The following DAB1 variants were observed in gnomAD, a reference collection of about 807,000 sequenced individuals.
DAB1 encodes DAB adaptor protein 1.
A neutral mutation model predicts 64.6 loss-of-function variants in DAB1; 15 were observed. That is an observed-to-expected ratio of 0.23 (90% CI 0.16 to 0.36). DAB1 has a LOEUF of 0.36. Ranked by LOEUF, DAB1 falls within the 10% of genes least tolerant of loss-of-function variation. DAB1 has a pLI of 1.00. For synonymous variants in DAB1, 235 were observed against 251.9 expected, an observed-to-expected ratio of 0.93 and a Z score of 0.64; for missense variants, 596 against 706.7, an observed-to-expected ratio of 0.84 and a Z score of 1.78.
At chr1:58,193,642 G>C (rs560335680) in intron 4 of DAB1, among the ~76,000 whole-genome samples, 1 of 152,252 alleles carries the variant, frequency 6.6e-6, no homozygotes, top group East Asian at 1.9e-4. Context: ...GATCACCTGA[G>C]GTCAGGAGTT....
intron 3 of DAB1, among the ~76,000 whole-genome samples, chr1:58,491,720 C>T (rs999465080): frequency 6.6e-6 from 1 of 152,128 alleles, no homozygotes; most frequent in Non-Finnish European, 1.5e-5. Context: ...GCTAACTATC[C>T]TAAATATATA....
At chr1:57,974,287 A>T (rs1054204676) in intron 5 of DAB1, among the ~76,000 whole-genome samples, 4 of 152,042 alleles carry the variant, frequency 2.6e-5, no homozygotes, top group Non-Finnish European at 5.9e-5. Flanking sequence ...TCTTTGTTTA[A>T]CAATGAGTGC....
intron 4 of DAB1, among the ~76,000 whole-genome samples, chr1:58,302,694 G>A (rs749275349): frequency 5.3e-5 from 8 of 152,062 alleles, no homozygotes; most frequent in Non-Finnish European, 1.0e-4. Flanking sequence ...TGTCAAGTGA[G>A]ACTATAATAA....
intron 5 of DAB1, among the ~76,000 whole-genome samples, chr1:58,004,497 T>C (rs1273732508): frequency 1.3e-5 from 2 of 152,060 alleles, no homozygotes; most frequent in African/African-American, 4.8e-5. Context: ...CTCAGTAGCT[T>C]ATGGGGCATT....
At chr1:57,206,378 C>T (rs549738359) in intron 2 of DAB1, among the ~76,000 whole-genome samples, 1 of 152,306 alleles carries the variant, frequency 6.6e-6, no homozygotes, top group East Asian at 1.9e-4. Context: ...CAGCTCCACA[C>T]AAATTCCTAG....
chr1:57,291,550 GAT>G (rs1672777790), intron 1 of DAB1, among the ~76,000 whole-genome samples: 1 of 152,132 alleles, frequency 6.6e-6, no homozygotes, highest in South Asian at 2.1e-4. Flanking sequence ...AGCCAAGCTT[GAT>G]CAGCACCTTG....
At chr1:58,247,731 CCT>C (rs1284484750) in intron 4 of DAB1, among the ~76,000 whole-genome samples, 6 of 151,850 alleles carry the variant, frequency 4.0e-5, no homozygotes, top group Non-Finnish European at 8.8e-5. Flanking sequence ...CTAGTATTTC[CCT>C]CTCTGCTTTT....
At chr1:57,567,591 A>C (rs1312950973) in intron 7 of DAB1, among the ~76,000 whole-genome samples, 4 of 152,238 alleles carry the variant, frequency 2.6e-5, no homozygotes, top group African/African-American at 2.4e-5. Context: ...TCAGGATACA[A>C]AATCAATGTA....
At chr1:58,136,291 C>T (rs1451845871) in intron 5 of DAB1, among the ~76,000 whole-genome samples, 1 of 152,144 alleles carries the variant, frequency 6.6e-6, no homozygotes, top group African/African-American at 2.4e-5. Context: ...TCTAATGCTT[C>T]AAGTGGGACA....
chr1:58,424,753 G>T lies in DAB1; in HGVS notation n.257+81307C>A, dbSNP rs370097005. On this transcript the variant is annotated intron_variant and non_coding_transcript_variant, in intron 3 of 20. Transcript: ENST00000485760. ...AATAGCTGTGAAGATGAAAGACAGA[G>T]AGTGAGGAGGGATCAAGAAGCATTT... 1.6e-4 allele frequency among the ~76,000 whole-genome samples: 24 copies of T among 152,162 alleles called. 1 individual carries two copies. In the East Asian group the frequency reaches 1.9e-3, roughly 12 times the overall value.
intron 6 of DAB1, among the ~76,000 whole-genome samples, chr1:57,708,352 T>C (rs1445205816): frequency 6.6e-6 from 1 of 152,172 alleles, no homozygotes; most frequent in East Asian, 1.9e-4. Context: ...GACGTCGTTC[T>C]CTGTACTCTT....
chr1:58,038,247 G>A (rs1478029761), intron 5 of DAB1, among the ~76,000 whole-genome samples: 1 of 152,150 alleles, frequency 6.6e-6, no homozygotes, highest in Non-Finnish European at 1.5e-5. Flanking sequence ...TTGAGTATGG[G>A]CATTCCAGGA....
At chr1:58,026,080 C>T (rs1442792711) in intron 5 of DAB1, among the ~76,000 whole-genome samples, 1 of 152,066 alleles carries the variant, frequency 6.6e-6, no homozygotes, top group Non-Finnish European at 1.5e-5. Flanking sequence ...TGCTTGTCTC[C>T]CTCAAGAATA....
chr1:57,414,722 T>C (rs1413491144), intron 1 of DAB1, among the ~76,000 whole-genome samples: 1 of 152,184 alleles, frequency 6.6e-6, no homozygotes, highest in Non-Finnish European at 1.5e-5. Context: ...AATTAATATA[T>C]AGCTAGAAAA....
At chr1:58,061,804 T>A (rs544858468) in intron 5 of DAB1, among the ~76,000 whole-genome samples, 3 of 152,256 alleles carry the variant, frequency 2.0e-5, no homozygotes, top group Non-Finnish European at 4.4e-5. Flanking sequence ...TAGGGTTGTG[T>A]GACAGTTAAA....
chr1:57,707,285 A>AT (rs202070930), intron 6 of DAB1, among the ~76,000 whole-genome samples: 132 of 150,500 alleles, frequency 8.8e-4, no homozygotes, highest in African/African-American at 2.9e-3. Context: ...TAGGTATTAG[A>AT]TTTTTTTTTA....
intron 6 of DAB1, among the ~76,000 whole-genome samples, chr1:57,659,584 G>T (rs1646360747): frequency 6.6e-6 from 1 of 152,102 alleles, no homozygotes; most frequent in African/African-American, 2.4e-5. Context: ...CCCCTTCCCT[G>T]ACCAGTGTGC....
intron 3 of DAB1, among the ~76,000 whole-genome samples, chr1:57,142,198 A>G (rs1356686629): frequency 6.6e-6 from 1 of 152,114 alleles, no homozygotes; most frequent in African/African-American, 2.4e-5. Context: ...ATCCCCTACA[A>G]TCCAAGAGAA....
intron 1 of DAB1, among the ~76,000 whole-genome samples, chr1:57,342,849 G>A (rs1481229722): frequency 1.3e-5 from 2 of 150,168 alleles, no homozygotes; most frequent in South Asian, 2.1e-4. Context: ...TCGTGGTCTC[G>A]CTGGCTTCAG....
Sources: allele counts gnomAD v4.1 joint callset (sites outside exome capture counted in the v4.1 genomes callset), GRCh38; gene constraint gnomAD v4.1.1; transcripts MANE v1.5; gene names NCBI Gene and HGNC (gene_info 2026-07-23, HGNC 2026-07-21).